Variants in ZC2HC1B observed in about 807,000 individuals in gnomAD.
The protein encoded by ZC2HC1B is zinc finger C2HC-type containing 1B.
Under a neutral mutation model 31.0 loss-of-function variants are expected in ZC2HC1B, and 36 were observed. That is an observed-to-expected ratio of 1.16 (90% confidence interval 0.89 to 1.54). The LOEUF is 1.54. Among genes scored for constraint, ZC2HC1B ranks in the 40% most tolerant of loss-of-function variants. The probability of loss-of-function intolerance (pLI) is 0.00; values close to 1 mark genes in which losing one functional copy is unlikely to be tolerated. For synonymous variants in ZC2HC1B, 73 were observed against 88.0 expected, an observed-to-expected ratio of 0.83 and a Z score of 0.95; for missense variants, 260 against 268.6, an observed-to-expected ratio of 0.97 and a Z score of 0.22.
rs1777234974 is a variant in ZC2HC1B at position 143,864,714 on chromosome 6, G to A, written c.28+147G>A. 4 of 937,102 alleles carry A rather than the reference G, an allele frequency of 4.3e-6. No homozygotes were observed. In the Admixed American group the frequency reaches 1.0e-4, roughly 24 times the overall value. 58.0% of individuals were successfully genotyped at this position (937,102 alleles called of 1,614,324 possible). On this transcript the variant is annotated intron_variant, in intron 1 of 7. Coordinates refer to ENST00000237275, the MANE Select transcript of ZC2HC1B (RefSeq NM_001013623.3). Reference sequence around the variant, plus strand: ...AGTATTGTAGGATTTTTAAAGAGTTGTCAAAACTGATGGCATTAGGTATTC... The same window carrying A: ...AGTATTGTAGGATTTTTAAAGAGTTATCAAAACTGATGGCATTAGGTATTC...
At chr6:143,876,708 TGAG>T (rs1316570063) in intron 1 of ZC2HC1B, among the ~76,000 whole-genome samples, 1 of 150,604 alleles carries the variant, frequency 6.6e-6, no homozygotes, top group Non-Finnish European at 1.5e-5. Flanking sequence ...ATCTGCAAGC[TGAG>T]GAGCAAGGAG....
At chr6:143,890,385 A>G (rs1158671684) in intron 4 of ZC2HC1B, among the ~76,000 whole-genome samples, 1 of 151,102 alleles carries the variant, frequency 6.6e-6, no homozygotes, top group Non-Finnish European at 1.5e-5. Flanking sequence ...TACATGTTAA[A>G]AACAATACAA....
intron 6 of ZC2HC1B, among the ~76,000 whole-genome samples, chr6:143,930,818 A>C (rs998617908): frequency 2.6e-5 from 4 of 152,210 alleles, no homozygotes; most frequent in African/African-American, 4.8e-5. Flanking sequence ...AGAATGTTCC[A>C]TGCACTGATG....
chr6:143,896,166 T>G (rs1295769051), intron 4 of ZC2HC1B, among the ~76,000 whole-genome samples: 1 of 152,214 alleles, frequency 6.6e-6, no homozygotes, highest in Non-Finnish European at 1.5e-5. Flanking sequence ...CTTCTACAGT[T>G]TATCCCACCA....
At position 143,913,785 on chromosome 6, in the gene ZC2HC1B, G is replaced by A. The variant is rs1777888148; in HGVS notation, c.598+10633G>A. ...CACTAATTGCTTCCCTTGGCTGGGG[G>A]TGGGTGTTTCCTTGGCTCCATGTCA... On this transcript the variant is annotated intron_variant, in intron 6 of 7. Coordinates refer to ENST00000237275, the MANE Select transcript of ZC2HC1B (RefSeq NM_001013623.3). This position sits in a 1 kb window ranked among gnomAD's most constrained non-coding sequence, Gnocchi z 5.7. Among the ~76,000 whole-genome samples, 1 of 152,226 alleles carries A rather than the reference G, an allele frequency of 6.6e-6. No homozygotes were observed. Among genetic ancestry groups the A allele is most frequent in the Non-Finnish European group, 1.5e-5 (1 of 68,032 alleles).
In ZC2HC1B at chr6:143,868,517, G is replaced by A. The variant is rs1777298333; in HGVS notation, c.28+3950G>A. Among the ~76,000 whole-genome samples, 1 of 152,052 alleles carries A rather than the reference G, an allele frequency of 6.6e-6. No individual in the cohort carries two copies. The highest frequency in any genetic ancestry group is 2.1e-4 in the South Asian group (1 of 4,828). On this transcript the variant is annotated intron_variant, in intron 1 of 7. Transcript: ENST00000237275. The surrounding 1 kb of genome is among the most constrained non-coding windows in gnomAD (Gnocchi z 4.2). ...TCGATCTGCGCTGGCAGGTGACTAGGTGGTGCCCACCCAGATTAAGGATGA... is the reference window on the plus strand; with the variant it reads ...TCGATCTGCGCTGGCAGGTGACTAGATGGTGCCCACCCAGATTAAGGATGA...
chr6:143,886,539 A>C lies in ZC2HC1B; in HGVS notation c.211-144A>C. ...ATTACTGTACTTTCCAAACCTCTTTAAGGAGTACTTTTGAAAAACAAACTC... is the reference window on the plus strand; with the variant it reads ...ATTACTGTACTTTCCAAACCTCTTTCAGGAGTACTTTTGAAAAACAAACTC... On this transcript the variant is annotated intron_variant, in intron 3 of 7. Coordinates refer to ENST00000237275, the MANE Select transcript of ZC2HC1B (RefSeq NM_001013623.3). This position sits in a 1 kb window ranked among gnomAD's most constrained non-coding sequence, Gnocchi z 4.2. The C allele has an allele frequency of 1.3e-6, 1 of 798,162 alleles. No individual in the cohort carries two copies. The highest frequency in any genetic ancestry group is 1.8e-6 in the Non-Finnish European group (1 of 566,784). The allele number at this position is 798,162 out of a possible 1,614,324, so 49.4% of individuals were successfully genotyped here. A position where few individuals can be genotyped will look rare whatever the true frequency, so the allele number is the denominator to read the frequency against.
Position 143,906,424 on chromosome 6 carries a change from TTTTTAA to T in ZC2HC1B, c.598+3289_598+3294del, listed in dbSNP as rs200851471. On this transcript the variant is annotated intron_variant, in intron 6 of 7. Coordinates refer to ENST00000237275, the MANE Select transcript of ZC2HC1B (RefSeq NM_001013623.3). ...TTTGAGTAATTTGAGTGTTTTCTCTTTTTTAATTTTAATTTTAATTTTTTTTTGTTT... is the reference window on the plus strand; with the variant it reads ...TTTGAGTAATTTGAGTGTTTTCTCTTTTTTAATTTTAATTTTTTTTTGTTT... Among the ~76,000 whole-genome samples, 298 of 152,104 alleles carry T rather than the reference TTTTTAA, an allele frequency of 2.0e-3. 5 individuals are homozygous for T. The highest frequency in any genetic ancestry group is 0.014 in the East Asian group (72 of 5,174).
At position 143,864,485 on chromosome 6, in the gene ZC2HC1B, A is replaced by G; in HGVS notation, c.-55A>G. On this transcript the variant is annotated 5_prime_UTR_variant, in exon 1 of 8. Coordinates refer to ENST00000237275, the MANE Select transcript of ZC2HC1B (RefSeq NM_001013623.3). The stretch of plus-strand genomic sequence containing the variant: ...TTATGTTCTTGACTAGTATGATGTT[A>G]TCTGGACTGGGCTGTAAAAATCTGT... The G allele has an allele frequency of 1.9e-6, 3 of 1,543,540 alleles. No homozygotes were observed. The highest frequency in any genetic ancestry group is 2.6e-6 in the Non-Finnish European group (3 of 1,139,918).
chr6:143,875,480 T>A (rs1777394721), intron 1 of ZC2HC1B, among the ~76,000 whole-genome samples: 1 of 150,706 alleles, frequency 6.6e-6, no homozygotes, highest in Admixed American at 6.6e-5. Flanking sequence ...TTTAACTCCC[T>A]GAGCTGCAAC....
chr6:143,912,470 G>C (rs1338802176), intron 6 of ZC2HC1B, among the ~76,000 whole-genome samples: 1 of 152,112 alleles, frequency 6.6e-6, no homozygotes, highest in Non-Finnish European at 1.5e-5. Context: ...CTATTTGTTT[G>C]TTTTTCTTTT....
At position 143,876,506 on chromosome 6, in the gene ZC2HC1B, A is replaced by G. The variant is rs562064095; in HGVS notation, c.29-7798A>G. ...AATTATATTAAGCAGCCAACTCCAG[A>G]AACCCCAAAACCAATGAAAGAACCC... On this transcript the variant is annotated intron_variant, in intron 1 of 7. Transcript: ENST00000237275. 1.3e-4 allele frequency among the ~76,000 whole-genome samples: 20 copies of G among 150,618 alleles called. 1 individual carries two copies. The highest frequency in any genetic ancestry group is 4.6e-4 in the African/African-American group (19 of 40,862).
At chr6:143,927,551 G>A (rs1778067547) in intron 6 of ZC2HC1B, among the ~76,000 whole-genome samples, 1 of 152,056 alleles carries the variant, frequency 6.6e-6, no homozygotes. Flanking sequence ...ATCATCCATT[G>A]ATGGTTATTT....
At chr6:143,901,205 CAGTCAGT>C (rs1777733806) in intron 5 of ZC2HC1B, among the ~76,000 whole-genome samples, 1 of 146,788 alleles carries the variant, frequency 6.8e-6, no homozygotes, top group Non-Finnish European at 1.5e-5. Context: ...CAGGATTCTA[CAGTCAGT>C]AGTCAGGGTT....
At chr6:143,898,416 C>A in intron 4 of ZC2HC1B, 136 bp from the exon 5 acceptor site, 1 of 1,151,036 alleles carries the variant, frequency 8.7e-7, no homozygotes, top group Non-Finnish European at 1.2e-6. Context: ...TCACCTCAGC[C>A]TCACAGAGTG....
chr6:143,908,613 T>C lies in ZC2HC1B; in HGVS notation c.598+5461T>C, dbSNP rs1777823902. Among the ~76,000 whole-genome samples, 1 of 152,222 alleles carries C rather than the reference T, an allele frequency of 6.6e-6. No individual in the cohort carries two copies. The highest frequency in any genetic ancestry group is 6.5e-5 in the Admixed American group (1 of 15,284). ...TGTGTATAGGAATGCTAGCAATTTT[T>C]GCACATTGATTTTGTATTTTGAGAC... On this transcript the variant is annotated intron_variant, in intron 6 of 7. Transcript: ENST00000237275. This position sits in a 1 kb window ranked among gnomAD's most constrained non-coding sequence, Gnocchi z 4.4.
chr6:143,901,778 T>A (rs1777741449), intron 5 of ZC2HC1B, among the ~76,000 whole-genome samples: 2 of 152,124 alleles, frequency 1.3e-5, no homozygotes, highest in South Asian at 4.1e-4. Flanking sequence ...TCCAGTAGCC[T>A]TTTCCAGTTG....
Position 143,885,158 on chromosome 6 carries a change from G to A in ZC2HC1B, c.90+793G>A, listed in dbSNP as rs117319590. Among the ~76,000 whole-genome samples the A allele has an allele frequency of 1.1e-4, 17 of 152,222 alleles. No individual in the cohort carries two copies. The East Asian group carries it at 2.9e-3, about 26-fold the overall frequency. On this transcript the variant is annotated intron_variant, in intron 2 of 7. Coordinates refer to ENST00000237275, the MANE Select transcript of ZC2HC1B (RefSeq NM_001013623.3). The surrounding 1 kb of genome is among the most constrained non-coding windows in gnomAD (Gnocchi z 4.2). Reference sequence around the variant, plus strand: ...GGACTGTAAGCCTGACTATGTTTTGGACAAAAGACTATAAAATGAGGTTGT... The same window carrying A: ...GGACTGTAAGCCTGACTATGTTTTGAACAAAAGACTATAAAATGAGGTTGT...
chr6:143,881,114 A>G (rs1777460955), intron 1 of ZC2HC1B, among the ~76,000 whole-genome samples: 1 of 152,126 alleles, frequency 6.6e-6, no homozygotes, highest in Non-Finnish European at 1.5e-5. Flanking sequence ...ATCCTTTTAC[A>G]GTCTCTAATC....
Sources: allele counts gnomAD v4.1 joint callset (sites outside exome capture counted in the v4.1 genomes callset), GRCh38; gene constraint gnomAD v4.1.1; non-coding constraint Gnocchi (gnomAD v3.1); transcripts MANE v1.5; gene names NCBI Gene and HGNC (gene_info 2026-07-23, HGNC 2026-07-21).